The following GPANK1 variants were observed in gnomAD, a reference collection of about 807,000 sequenced individuals.
GPANK1 encodes G-patch domain and ankyrin repeats 1, also known as G patch domain and ankyrin repeat-containing protein 1.
GPANK1 carries 22 observed loss-of-function variants against 24.0 expected under a neutral mutation model. That is an observed-to-expected ratio of 0.92 (90% CI 0.66 to 1.31). The LOEUF (loss-of-function observed/expected upper bound fraction) is 1.31, where lower values mean the gene tolerates loss of function less well. GPANK1 is among the 50% of genes most tolerant of loss of function. The probability of loss-of-function intolerance (pLI) is 0.00; values close to 1 mark genes in which losing one functional copy is unlikely to be tolerated. For missense variants in GPANK1, 469 were observed against 453.5 expected (o/e 1.03, Z -0.31); for synonymous variants, 174 against 177.4 (o/e 0.98, Z 0.15).
chr6:31,665,270 C>G, upstream of GPANK1: 1 of 644,550 alleles, frequency 1.6e-6, no homozygotes, highest in Non-Finnish European at 2.8e-6. Flanking sequence ...CAACGTGGCC[C>G]CCGCTCCAAG....
At chr6:31,665,865 C>G, upstream of GPANK1, 1 of 1,122,668 alleles carries the variant, frequency 8.9e-7, no homozygotes, top group Non-Finnish European at 1.1e-6. Flanking sequence ...CCATACCTGG[C>G]TTCCGCTTCC....
At chr6:31,665,380 A>G (rs922647480), upstream of GPANK1, 36 of 1,411,200 alleles carry the variant, frequency 2.6e-5, no homozygotes, top group African/African-American at 3.8e-4. Flanking sequence ...TAATGAAATA[A>G]CGTCACGCCT....
At chr6:31,665,638 T>C, upstream of GPANK1, 2 of 938,716 alleles carry the variant, frequency 2.1e-6, no homozygotes, top group Non-Finnish European at 3.3e-6. Flanking sequence ...CTGGCGGGAC[T>C]GATTCGCACT....
At chr6:31,663,560 C>T (rs575063953) in intron 2 of GPANK1, among the ~76,000 whole-genome samples, 2 of 152,326 alleles carry the variant, frequency 1.3e-5, no homozygotes, top group Admixed American at 6.5e-5. Flanking sequence ...ATGCACTATT[C>T]TAGCATTTTA....
chr6:31,662,638 G>T lies in GPANK1; in HGVS notation c.699C>A (p.Ser233=). The T allele has an allele frequency of 6.2e-7, 1 of 1,612,618 alleles. No homozygotes were observed. The highest frequency in any genetic ancestry group is 8.5e-7 in the Non-Finnish European group (1 of 1,179,656). The stretch of plus-strand genomic sequence containing the variant: ...GCGACAGTGACAGCAGGTGAGCAGT[G>T]GATGTGCGGTGGTTGGAATCTTGGA... ...THFQDSNHRT[S]TAHLLSLSQG... is the part of the protein sequence containing the mutation. Residue 233 remains serine (S), a synonymous_variant, in exon 3 of 3, where the codon TCC becomes TCA. Coordinates refer to ENST00000375896, the MANE Select transcript of GPANK1 (RefSeq NM_033177.4). This position sits in a 1 kb window ranked among gnomAD's most constrained non-coding sequence, Gnocchi z 5.5.
upstream of GPANK1, chr6:31,665,473 G>A (rs746872296): frequency 1.1e-5 from 17 of 1,569,064 alleles, no homozygotes; most frequent in Admixed American, 2.3e-4. Context: ...GGGACGAGCA[G>A]AATGGCTGGC....
chr6:31,664,161 G>A lies in GPANK1; in HGVS notation c.318C>T (p.His106=). 6.2e-7 allele frequency: 1 copy of A among 1,614,208 alleles called. No homozygotes were observed. Among genetic ancestry groups the A allele is most frequent in the Non-Finnish European group, 8.5e-7 (1 of 1,180,036 alleles). ...CCTCCTGGGCTGCCCTCAGTATCCGGTGAGTCATCTTATCCTCAGCCTCAA... is the reference window on the plus strand; with the variant it reads ...CCTCCTGGGCTGCCCTCAGTATCCGATGAGTCATCTTATCCTCAGCCTCAA... The part of the protein sequence containing the change: ...RSLEAEDKMT[H]RILRAAQEGD... The change falls in exon 2 of 3, where the codon CAC becomes CAT. Residue 106 remains histidine (H), a synonymous_variant. Transcript: ENST00000375896.
chr6:31,665,921 C>G (rs1180502930), upstream of GPANK1: 1 of 1,073,698 alleles, frequency 9.3e-7, no homozygotes, highest in Non-Finnish European at 1.1e-6. Flanking sequence ...TCCTCCGGGC[C>G]TTCGTGACAG....
At chr6:31,665,276 C>T (rs1030938869), upstream of GPANK1, 45 of 671,008 alleles carry the variant, frequency 6.7e-5, no homozygotes, top group East Asian at 3.8e-4. Flanking sequence ...GGCCCCCGCT[C>T]CAAGCCCATT....
At chr6:31,665,485 C>T (rs1304312038), upstream of GPANK1, 5 of 1,566,400 alleles carry the variant, frequency 3.2e-6, no homozygotes, top group Non-Finnish European at 4.3e-6. Context: ...ATGGCTGGCA[C>T]CACCTCAGGT....
intron 1 of GPANK1, 83 bp from the exon 2 acceptor site, chr6:31,664,660 G>C: frequency 1.7e-6 from 1 of 591,100 alleles, no homozygotes. Flanking sequence ...AGGGCCTAAG[G>C]GAGAGAGACT....
At chr6:31,664,738 A>C in intron 1 of GPANK1, 103 bp downstream of exon 1, 1 of 513,508 alleles carries the variant, frequency 1.9e-6, no homozygotes, top group Non-Finnish European at 3.4e-6. Flanking sequence ...AAACTCCATG[A>C]GACTGTTGTC....
At position 31,661,277 on chromosome 6, in the gene GPANK1, G is replaced by C. The variant is rs2151157725; in HGVS notation, c.*989C>G. The C allele has an allele frequency of 6.6e-6, 1 of 152,304 alleles. No individual in the cohort carries two copies. The highest frequency in any genetic ancestry group is 1.5e-5 in the Non-Finnish European group (1 of 68,036). The allele number at this position is 152,304 out of a possible 1,614,324, so 9.4% of individuals were successfully genotyped here. On this transcript the variant is annotated 3_prime_UTR_variant, in exon 3 of 3. Coordinates refer to ENST00000375896, the MANE Select transcript of GPANK1 (RefSeq NM_033177.4). Reference sequence around the variant, plus strand: ...TTTAGATTTGGGGGCTAGAGTTCTGGTCCCAGTTCAACTAAGTGTACAAGC... The same window carrying C: ...TTTAGATTTGGGGGCTAGAGTTCTGCTCCCAGTTCAACTAAGTGTACAAGC...
chr6:31,661,901 G>A lies in GPANK1; in HGVS notation c.*365C>T. ...CGAAGCTGGGCAATTCTTGGTCCAG[G>A]GGGGTTGAAAGAATAGGTGGGGGAC... is the stretch of plus-strand genomic sequence containing the variant. On this transcript the variant is annotated 3_prime_UTR_variant, in exon 3 of 3. Transcript: ENST00000375896. 1 of 237,524 alleles carries A rather than the reference G, an allele frequency of 4.2e-6. No homozygotes were observed. The allele number at this position is 237,524 out of a possible 1,614,324, so 14.7% of individuals were successfully genotyped here. A position where few individuals can be genotyped will look rare whatever the true frequency, so the allele number is the denominator to read the frequency against.
At chr6:31,665,505 G>A, upstream of GPANK1, 4 of 1,559,184 alleles carry the variant, frequency 2.6e-6, no homozygotes, top group African/African-American at 1.4e-5. Context: ...TTAGCGCACT[G>A]GGACGTTCCA....
upstream of GPANK1, chr6:31,666,066 T>C: frequency 1.0e-6 from 1 of 991,248 alleles, no homozygotes; most frequent in Non-Finnish European, 1.2e-6. Flanking sequence ...GTTGCCCTCT[T>C]CCCCACCCTC....
In GPANK1 at chr6:31,664,305, C is replaced by T. The variant is rs1318694279; in HGVS notation, c.174G>A (p.Gln58=). 1.9e-6 allele frequency: 3 copies of T among 1,614,176 alleles called. No individual in the cohort carries two copies. The highest frequency in any genetic ancestry group is 2.2e-5 in the South Asian group (2 of 91,086). The part of the protein sequence containing the change: ...IGDESSAPDS[Q]RSQTEPARER... ...CTCTGGCAGGTTCAGTCTGAGATCT[C>T]TGGGAGTCAGGAGCGCTGCTCTCAT... Residue 58 remains glutamine, a synonymous_variant, in exon 2 of 3, where the codon CAG becomes CAA. Transcript: ENST00000375896.
chr6:31,664,383 C>T lies in GPANK1; in HGVS notation c.96G>A (p.Glu32=). The T allele has an allele frequency of 1.2e-6, 2 of 1,614,188 alleles. No individual in the cohort carries two copies. Among genetic ancestry groups the T allele is most frequent in the Non-Finnish European group, 1.7e-6 (2 of 1,180,034 alleles). Residue 32 remains glutamate (E), a synonymous_variant, in exon 2 of 3, where the codon GAG becomes GAA. Transcript: ENST00000375896. ...GQQQPQPEKP[E]STLDGAAARA... ...GGGCTGCAGCCCCATCCAGGGTGGA[C>T]TCTGGCTTCTCGGGCTGTGGCTGCT...
At position 31,663,862 on chromosome 6, in the gene GPANK1, G is replaced by C; in HGVS notation, c.617C>G (p.Pro206Arg). 6.4e-7 allele frequency: 1 copy of C among 1,552,156 alleles called. No individual in the cohort carries two copies. ...TAAAGTTTCCCCTTACCGGTTTTCC[G>C]GGCTCCTTGTCTCTCCATGGCTCTC... Reference protein sequence around the residue: ...VRESHGETRSPENRSPTPSLQ... With the variant: ...VRESHGETRSRENRSPTPSLQ... The change falls in exon 2 of 3, where the codon CCG becomes CGG. Residue 206 changes from proline (P) to arginine (R), a missense_variant. Transcript: ENST00000375896.
Sources: allele counts gnomAD v4.1 joint callset (sites outside exome capture counted in the v4.1 genomes callset), GRCh38; gene constraint gnomAD v4.1.1; non-coding constraint Gnocchi (gnomAD v3.1); transcripts MANE v1.5; gene names NCBI Gene and HGNC (gene_info 2026-07-23, HGNC 2026-07-21).